Variants in RAB27A observed in about 807,000 individuals in gnomAD.
RAB27A encodes ras-related protein Rab-27A.
In RAB27A, 17 loss-of-function variants were observed where a neutral mutation model predicts 20.8. That is an observed-to-expected ratio of 0.82 (90% CI 0.56 to 1.23). The LOEUF is 1.23. Among genes scored for constraint, RAB27A ranks in the 50% most tolerant of loss-of-function variants. The probability of loss-of-function intolerance (pLI) is 0.00; values close to 1 mark genes in which losing one functional copy is unlikely to be tolerated. For synonymous variants in RAB27A, 85 were observed against 92.8 expected (o/e 0.92, Z 0.48); for missense variants, 277 against 266.7 (o/e 1.04, Z -0.27).
intron 2 of RAB27A, among the ~76,000 whole-genome samples, chr15:55,257,874 T>A (rs1443125212): frequency 6.6e-6 from 1 of 151,952 alleles, no homozygotes; most frequent in Non-Finnish European, 1.5e-5. Flanking sequence ...GCACCTATAA[T>A]CCCGGCTACT....
chr15:55,252,255 A>G (rs1896916803), intron 2 of RAB27A, among the ~76,000 whole-genome samples: 1 of 152,194 alleles, frequency 6.6e-6, no homozygotes, highest in Non-Finnish European at 1.5e-5. Flanking sequence ...ATTGGGTACA[A>G]TGTACACTAT....
intron 2 of RAB27A, among the ~76,000 whole-genome samples, chr15:55,249,930 TC>T (rs747195209): frequency 2.0e-5 from 3 of 152,150 alleles, no homozygotes; most frequent in Non-Finnish European, 4.4e-5. Context: ...CTTTAAGAGT[TC>T]TGTAAACTTA....
rs1897313285 is a variant in RAB27A at position 55,262,589 on chromosome 15, TGAATAGACATGGTG to T, written c.-23+7562_-23+7575del. 2.0e-5 allele frequency among the ~76,000 whole-genome samples: 3 copies of T among 150,092 alleles called. No homozygotes were observed. In the South Asian group the frequency reaches 6.3e-4, roughly 31 times the overall value. ...AGAACAAAACAAAACAAAAAAACAG[TGAATAGACATGGTG>T]ATACAGGTAGTCTTATCTCTTTTTT... On this transcript the variant is annotated intron_variant, in intron 2 of 6. Transcript: ENST00000336787.
intron 1 of RAB27A, among the ~76,000 whole-genome samples, chr15:55,318,474 G>A (rs1213493527): frequency 2.3e-4 from 35 of 150,282 alleles, no homozygotes. Flanking sequence ...GGAGGCCGAG[G>A]CGGGCGGATC....
chr15:55,300,289 C>A (rs982123859), intron 2 of RAB27A, among the ~76,000 whole-genome samples: 1 of 152,072 alleles, frequency 6.6e-6, no homozygotes. Context: ...CATAGACTGT[C>A]ATGGGAAGCA....
chr15:55,306,509 C>G (rs555306107), intron 2 of RAB27A, among the ~76,000 whole-genome samples: 1 of 152,268 alleles, frequency 6.6e-6, no homozygotes, highest in East Asian at 1.9e-4. Context: ...GTGTTTTTCT[C>G]TTGCCTGATC....
intron 6 of RAB27A, among the ~76,000 whole-genome samples, chr15:55,206,914 T>G (rs996367091): frequency 6.6e-5 from 10 of 152,144 alleles, no homozygotes; most frequent in African/African-American, 2.2e-4. Flanking sequence ...ATACATGGCA[T>G]TTCATATAAC....
At chr15:55,312,028 T>A (rs1419419574) in intron 2 of RAB27A, among the ~76,000 whole-genome samples, 2 of 152,204 alleles carry the variant, frequency 1.3e-5, no homozygotes, top group Non-Finnish European at 2.9e-5. Flanking sequence ...TATAGCTCTA[T>A]TAGAAGCCGT....
At position 55,264,882 on chromosome 15, in the gene RAB27A, G is replaced by A. The variant is rs561599149; in HGVS notation, c.-23+5283C>T. Among the ~76,000 whole-genome samples, 20 of 152,302 alleles carry A rather than the reference G, an allele frequency of 1.3e-4. No homozygotes were observed. The East Asian group carries it at 3.9e-3, about 29-fold the overall frequency. On this transcript the variant is annotated intron_variant, in intron 2 of 6. Transcript: ENST00000336787. The stretch of plus-strand genomic sequence containing the variant: ...CACTATGTTAAGCACCAAGAATGTG[G>A]CTCTAGAAGAGCAACAGTCTAATAG...
At chr15:55,300,053 C>T (rs1430636915) in intron 2 of RAB27A, among the ~76,000 whole-genome samples, 3 of 151,986 alleles carry the variant, frequency 2.0e-5, no homozygotes, top group Admixed American at 6.5e-5. Flanking sequence ...AGCTCCTGAC[C>T]CCGTAATCCG....
intron 2 of RAB27A, among the ~76,000 whole-genome samples, chr15:55,301,537 A>G (rs1052108978): frequency 6.6e-6 from 1 of 150,852 alleles, no homozygotes; most frequent in African/African-American, 2.4e-5. Context: ...CACACACAAT[A>G]AAGTTCACCC....
In RAB27A at chr15:55,273,395, C is replaced by T. The variant is rs541244040; in HGVS notation, c.-142-3111G>A. On this transcript the variant is annotated intron_variant, in intron 1 of 6. Coordinates refer to ENST00000336787, the MANE Select transcript of RAB27A (RefSeq NM_183235.3). ...CTGCACTCCAGCCTGGGCGACAGAG[C>T]GAGACTCCATCTCAAAAAAAAAAAA... 1.3e-4 allele frequency among the ~76,000 whole-genome samples: 19 copies of T among 143,330 alleles called. No homozygotes were observed. In the South Asian group the frequency reaches 3.5e-3, roughly 26 times the overall value. The allele number at this position is 143,330 out of a possible 152,430, so 94.0% of individuals were successfully genotyped here. A position where few individuals can be genotyped will look rare whatever the true frequency, so the allele number is the denominator to read the frequency against.
chr15:55,209,065 C>T (rs752995353), intron 6 of RAB27A, among the ~76,000 whole-genome samples: 1 of 152,068 alleles, frequency 6.6e-6, no homozygotes, highest in Admixed American at 6.6e-5. Context: ...TCATTTAATA[C>T]ACTGATATAA....
At chr15:55,268,526 T>A (rs1897589098) in intron 2 of RAB27A, among the ~76,000 whole-genome samples, 1 of 152,178 alleles carries the variant, frequency 6.6e-6, no homozygotes, top group African/African-American at 2.4e-5. Context: ...AGGCTGTCCA[T>A]GTGTCAGGAC....
At chr15:55,263,350 A>G (rs1373256996) in intron 2 of RAB27A, among the ~76,000 whole-genome samples, 1 of 151,334 alleles carries the variant, frequency 6.6e-6, no homozygotes, top group Non-Finnish European at 1.5e-5. Context: ...GCCATATTAC[A>G]TTTATATAAG....
chr15:55,262,725 C>T (rs2141073541), intron 2 of RAB27A, among the ~76,000 whole-genome samples: 1 of 151,764 alleles, frequency 6.6e-6, no homozygotes, highest in African/African-American at 2.4e-5. Context: ...CTCGGCCTCC[C>T]AGGCTCAGGT....
chr15:55,236,083 T>G lies in RAB27A; in HGVS notation c.-22-1127A>C, dbSNP rs1010235431. ...CAGTGTACACTGCTTGGGTGATGGG[T>G]GCACCAAAATCTCAGAAATCACCAC... On this transcript the variant is annotated intron_variant, in intron 2 of 6. Transcript: ENST00000336787. Among the ~76,000 whole-genome samples, 9 of 151,682 alleles carry G rather than the reference T, an allele frequency of 5.9e-5. No individual in the cohort carries two copies. The South Asian group carries it at 1.7e-3, about 28-fold the overall frequency.
chr15:55,265,024 C>T (rs1476720306), intron 2 of RAB27A, among the ~76,000 whole-genome samples: 2 of 152,098 alleles, frequency 1.3e-5, no homozygotes, highest in Non-Finnish European at 2.9e-5. Flanking sequence ...GGGCGGATCA[C>T]CTGGGGTTGA....
intron 2 of RAB27A, among the ~76,000 whole-genome samples, chr15:55,301,306 A>G (rs2054970457): frequency 6.6e-6 from 1 of 152,148 alleles, no homozygotes; most frequent in South Asian, 2.1e-4. Flanking sequence ...GGCCATTAAA[A>G]TGTCATTTAA....
Sources: allele counts gnomAD v4.1 joint callset (sites outside exome capture counted in the v4.1 genomes callset), GRCh38; gene constraint gnomAD v4.1.1; transcripts MANE v1.5; gene names NCBI Gene and HGNC (gene_info 2026-07-23, HGNC 2026-07-21).